BMP1: variants seen among roughly 807,000 people sequenced by gnomAD.
The protein encoded by BMP1 is bone morphogenetic protein 1.
Under a neutral mutation model 116.8 loss-of-function variants are expected in BMP1, and 63 were observed. The observed-to-expected ratio is 0.54, with a 90% CI of 0.44 to 0.67. The LOEUF (loss-of-function observed/expected upper bound fraction) is 0.67, where lower values mean the gene tolerates loss of function less well. BMP1 is among the 30% of genes least tolerant of loss of function. The probability of loss-of-function intolerance (pLI) is 0.00; values close to 1 mark genes in which losing one functional copy is unlikely to be tolerated. For missense variants in BMP1, 1,183 were observed against 1,358.9 expected, an observed-to-expected ratio of 0.87 and a Z score of 2.04; for synonymous variants, 536 against 533.4, an observed-to-expected ratio of 1.00 and a Z score of -0.07.
At chr8:22,182,691 G>A (rs144372262) in intron 8 of BMP1, among the ~76,000 whole-genome samples, 1 of 152,238 alleles carries the variant, frequency 6.6e-6, no homozygotes, top group African/African-American at 2.4e-5. Context: ...TTTCTAAATG[G>A]TCACAGACCA....
intron 17 of BMP1, 83 bp from the exon 18 acceptor site, chr8:22,207,220 A>G (rs1201360498): frequency 4.1e-6 from 6 of 1,471,940 alleles, no homozygotes; most frequent in Non-Finnish European, 5.6e-6. Context: ...GGTATCTGTG[A>G]GGCCTAGGTT....
intron 15 of BMP1, among the ~76,000 whole-genome samples, chr8:22,199,738 G>C (rs1260047496): frequency 6.6e-6 from 1 of 152,140 alleles, no homozygotes; most frequent in Non-Finnish European, 1.5e-5. Context: ...CCCCAGGATG[G>C]CTCATAGGGT....
In BMP1 at chr8:22,195,540, G is replaced by C; in HGVS notation, c.1718G>C (p.Ser573Thr). The part of the protein sequence containing the change: ...CLNTLGSYKC[S>T]CDPGYELAPD... The stretch of plus-strand genomic sequence containing the variant: ...AACACCCTGGGCAGCTACAAGTGCA[G>C]CTGTGACCCCGGGTACGAGCTGGCC... The change falls in exon 13 of 20, where the codon AGC (serine) becomes ACC (threonine). Residue 573 changes from serine (S) to threonine (T), a missense_variant. Ser to Thr is a moderately conservative substitution (Grantham distance 58). Around this residue, in one of 4 missense-constraint regions of BMP1, gnomAD observed 956 missense variants for 1,135.2 expected, o/e 0.84. Transcript: ENST00000306385. 6.2e-7 allele frequency: 1 copy of C among 1,612,744 alleles called. No homozygotes were observed. The highest frequency in any genetic ancestry group is 8.5e-7 in the Non-Finnish European group (1 of 1,179,800).
chr8:22,208,221 G>A (rs1196025390), intron 18 of BMP1, among the ~76,000 whole-genome samples: 1 of 152,218 alleles, frequency 6.6e-6, no homozygotes, highest in Admixed American at 6.5e-5. Context: ...ACATGGATGA[G>A]GCGGCATCCT....
At chr8:22,187,534 A>G (rs1586452936) in intron 8 of BMP1, among the ~76,000 whole-genome samples, 2 of 110,504 alleles carry the variant, frequency 1.8e-5, no homozygotes, top group Non-Finnish European at 3.4e-5. Context: ...TATTTTTAGT[A>G]GAGACAGGGT....
chr8:22,169,602 T>A (rs953584219), intron 1 of BMP1: 1 of 152,280 alleles, frequency 6.6e-6, no homozygotes, highest in Admixed American at 6.5e-5. Context: ...AGTGTTCACA[T>A]GTGATGAAGT....
intron 8 of BMP1, among the ~76,000 whole-genome samples, chr8:22,185,547 C>T (rs1402026977): frequency 6.6e-6 from 1 of 152,126 alleles, no homozygotes; most frequent in Non-Finnish European, 1.5e-5. Flanking sequence ...AAGATAAGAA[C>T]TTTTGGAGCT....
At chr8:22,205,259 T>G (rs1437877169) in intron 16 of BMP1, among the ~76,000 whole-genome samples, 2 of 152,024 alleles carry the variant, frequency 1.3e-5, no homozygotes, top group Non-Finnish European at 2.9e-5. Flanking sequence ...GAGATGGAGC[T>G]GGTAAAGGCC....
Position 22,165,492 on chromosome 8 carries a change from C to T in BMP1, c.87C>T (p.Thr29=), listed in dbSNP as rs1828062920. 6.3e-7 allele frequency: 1 copy of T among 1,595,722 alleles called. No individual in the cohort carries two copies. The highest frequency in any genetic ancestry group is 8.5e-7 in the Non-Finnish European group (1 of 1,173,214). Residue 29 remains threonine (T), a synonymous_variant, in exon 1 of 20, where the codon ACC becomes ACT. Transcript: ENST00000306385. ...PGRPLDLADY[T]YDLAEEDDSE... ...GGCCGCTGGACTTGGCCGACTACAC[C>T]TATGACCTGGCGGAGGAGGACGACT...
chr8:22,206,590 G>T (rs774037114), intron 16 of BMP1, among the ~76,000 whole-genome samples: 3 of 152,140 alleles, frequency 2.0e-5, no homozygotes, highest in Non-Finnish European at 4.4e-5. Context: ...AGGTCTGGGG[G>T]TTGTCCAGGG....
Position 22,211,791 on chromosome 8 carries a change from G to A in BMP1, c.*63G>A, listed in dbSNP as rs1829466622. 3.7e-6 allele frequency: 6 copies of A among 1,610,348 alleles called. No individual in the cohort carries two copies. The South Asian group carries it at 5.5e-5, about 15-fold the overall frequency. On this transcript the variant is annotated 3_prime_UTR_variant, in exon 20 of 20. Transcript: ENST00000306385. ...CCCTTGGTCGCCTAGACTGGATAGT[G>A]GGGGTGGGCGGAAGGCAACGCACCA... is the stretch of plus-strand genomic sequence containing the variant.
Position 22,187,324 on chromosome 8 carries a change from AATTAATTT to A in BMP1, c.1078-4721_1078-4714del, listed in dbSNP as rs1301543756. On this transcript the variant is annotated intron_variant, in intron 8 of 19. Coordinates refer to ENST00000306385, the MANE Select transcript of BMP1 (RefSeq NM_006129.5). Reference sequence around the variant, plus strand: ...AATCTTTTATTTATTTTAATTAATTAATTAATTTATTTATTTATTTATTTTGAGATGGA... The same window carrying A: ...AATCTTTTATTTATTTTAATTAATTAATTTATTTATTTATTTTGAGATGGA... Among the ~76,000 whole-genome samples the A allele has an allele frequency of 2.7e-5, 4 of 147,116 alleles. No homozygotes were observed. The East Asian group carries it at 6.0e-4, about 22-fold the overall frequency.
rs189475184 is a variant in BMP1 at position 22,212,019 on chromosome 8, G to A, written c.*291G>A. On this transcript the variant is annotated 3_prime_UTR_variant, in exon 20 of 20. Transcript: ENST00000306385. ...GGGGGCCCTGCCTGGTGGCAAGAGG[G>A]AATGTCAGCAGGACCCCATCGCCAT... is the stretch of plus-strand genomic sequence containing the variant. The A allele has an allele frequency of 1.2e-4, 54 of 466,028 alleles. No homozygotes were observed. Among genetic ancestry groups the A allele is most frequent in the African/African-American group, 7.0e-4 (36 of 51,520 alleles). The allele number at this position is 466,028 out of a possible 1,614,324, so 28.9% of individuals were successfully genotyped here.
intron 1 of BMP1, among the ~76,000 whole-genome samples, chr8:22,166,422 C>T (rs1828113290): frequency 6.6e-6 from 1 of 152,168 alleles, no homozygotes; most frequent in Non-Finnish European, 1.5e-5. Context: ...AACCCCATCA[C>T]TCCTGCTGAG....
At chr8:22,178,070 C>A in intron 6 of BMP1, 113 bp downstream of exon 6, 1 of 881,916 alleles carries the variant, frequency 1.1e-6, no homozygotes, top group Non-Finnish European at 1.8e-6. Flanking sequence ...AAAAGAGTGG[C>A]CCTCTGGGGG....
chr8:22,185,410 C>A (rs1374657638), intron 8 of BMP1, among the ~76,000 whole-genome samples: 1 of 151,478 alleles, frequency 6.6e-6, no homozygotes, highest in Non-Finnish European at 1.5e-5. Context: ...GAGCCAAGAT[C>A]GTGCCACTGC....
chr8:22,205,575 C>A (rs1368609394), intron 16 of BMP1, among the ~76,000 whole-genome samples: 1 of 151,824 alleles, frequency 6.6e-6, no homozygotes, highest in African/African-American at 2.4e-5. Flanking sequence ...AGGAGTTTGA[C>A]ATCAGCCTGG....
At chr8:22,189,414 A>G (rs2131872655) in intron 8 of BMP1, among the ~76,000 whole-genome samples, 1 of 137,406 alleles carries the variant, frequency 7.3e-6, no homozygotes, top group African/African-American at 2.8e-5. Flanking sequence ...TTGCCCCCTG[A>G]GGTCTCTATT....
chr8:22,176,275 A>G lies in BMP1; in HGVS notation c.395A>G (p.Asp132Gly). ...ATSRPERVWP[D>G]GVIPFVIGGN... ...TCCCGACCAGAGCGTGTGTGGCCCG[A>G]TGGGGTCATCCCCTTTGTCATTGGG... The change falls in exon 3 of 20, where the codon GAT (aspartate) becomes GGT (glycine). Residue 132 changes from aspartate (D) to glycine (G), a missense_variant. By Grantham distance (94) the Asp-to-Gly change is moderately conservative. Around this residue, in one of 4 missense-constraint regions of BMP1, gnomAD observed 40 missense variants for 47.5 expected, o/e 0.84. Coordinates refer to ENST00000306385, the MANE Select transcript of BMP1 (RefSeq NM_006129.5). The G allele has an allele frequency of 6.2e-7, 1 of 1,611,542 alleles. No homozygotes were observed. The highest frequency in any genetic ancestry group is 1.1e-5 in the South Asian group (1 of 90,734).
Sources: allele counts gnomAD v4.1 joint callset (sites outside exome capture counted in the v4.1 genomes callset), GRCh38; gene constraint gnomAD v4.1.1; regional missense constraint gnomAD v4.1.1; transcripts MANE v1.5; gene names NCBI Gene and HGNC (gene_info 2026-07-23, HGNC 2026-07-21).